GPATCH2: variants seen among roughly 807,000 people sequenced by gnomAD.
GPATCH2 encodes G patch domain-containing protein 2.
Under a neutral mutation model 58.0 loss-of-function variants are expected in GPATCH2, and 51 were observed. The ratio of observed to expected loss-of-function variants is 0.88; its 90% confidence interval spans 0.70 to 1.11. The LOEUF (loss-of-function observed/expected upper bound fraction) is 1.11. Ranked by LOEUF, GPATCH2 falls within the 50% of genes most tolerant of loss-of-function variation. The probability of loss-of-function intolerance (pLI) is 0.00; values close to 1 mark genes in which losing one functional copy is unlikely to be tolerated. For missense variants in GPATCH2, 625 were observed against 652.2 expected (o/e 0.96, Z 0.45); for synonymous variants, 222 against 218.5 (o/e 1.02, Z -0.14).
intron 2 of GPATCH2, among the ~76,000 whole-genome samples, chr1:217,615,035 T>A (rs1467202768): frequency 2.0e-5 from 3 of 151,990 alleles, no homozygotes; most frequent in Non-Finnish European, 4.4e-5. Flanking sequence ...AAAATTCTCA[T>A]GTATTTTATT....
intron 2 of GPATCH2, among the ~76,000 whole-genome samples, chr1:217,617,404 C>T (rs1351234749): frequency 6.6e-6 from 1 of 152,166 alleles, no homozygotes; most frequent in Admixed American, 6.5e-5. Context: ...CAGCACATTT[C>T]ATTTTCATCA....
At chr1:217,588,543 T>C (rs1667445669) in intron 5 of GPATCH2, among the ~76,000 whole-genome samples, 1 of 152,200 alleles carries the variant, frequency 6.6e-6, no homozygotes, top group South Asian at 2.1e-4. Context: ...AGACATCATC[T>C]AGTATATGAC....
intron 5 of GPATCH2, among the ~76,000 whole-genome samples, chr1:217,603,744 T>A (rs1391813612): frequency 6.6e-6 from 1 of 152,048 alleles, no homozygotes; most frequent in Non-Finnish European, 1.5e-5. Context: ...TGCTTCTGCC[T>A]CCCTAGTAGC....
In GPATCH2 at chr1:217,430,001, TAATA is replaced by T. The variant is rs777426032; in HGVS notation, c.*1140_*1143del. On this transcript the variant is annotated 3_prime_UTR_variant, in exon 10 of 10. Transcript: ENST00000366935. ...CATAATAAGTTGTTAATAATGAAGA[TAATA>T]AATAAAGATCTTCTAAACTAAAAGC... 52 of 152,214 alleles carry T rather than the reference TAATA, an allele frequency of 3.4e-4. No homozygotes were observed. The highest frequency in any genetic ancestry group is 3.4e-3 in the Middle Eastern group (1 of 292). 9.4% of individuals were successfully genotyped at this position (152,214 alleles called of 1,614,324 possible).
chr1:217,431,410 G>T, intron 9 of GPATCH2, 45 bp from the exon 10 acceptor site: 1 of 1,064,726 alleles, frequency 9.4e-7, no homozygotes, highest in Non-Finnish European at 1.5e-6. Flanking sequence ...TATGAACACA[G>T]GTGAAGATAT....
chr1:217,630,006 A>C (rs1174610018), intron 1 of GPATCH2, among the ~76,000 whole-genome samples: 2 of 152,114 alleles, frequency 1.3e-5, no homozygotes, highest in Non-Finnish European at 2.9e-5. Flanking sequence ...ATTTAGCCAC[A>C]TTTCTTTCAC....
intron 6 of GPATCH2, among the ~76,000 whole-genome samples, chr1:217,512,954 G>A (rs1450506960): frequency 6.6e-6 from 1 of 152,194 alleles, no homozygotes; most frequent in Non-Finnish European, 1.5e-5. Flanking sequence ...GGCATGCTGA[G>A]TATTAAGTAT....
intron 1 of GPATCH2, among the ~76,000 whole-genome samples, chr1:217,630,454 T>C (rs547195309): frequency 3.9e-5 from 6 of 152,234 alleles, no homozygotes; most frequent in Admixed American, 3.3e-4. Flanking sequence ...GGTTACCCTC[T>C]CTCTTTAAAA....
intron 6 of GPATCH2, among the ~76,000 whole-genome samples, chr1:217,506,820 C>T (rs1662587990): frequency 3.9e-5 from 6 of 152,166 alleles, no homozygotes; most frequent in Admixed American, 2.0e-4. Flanking sequence ...GAACACAATA[C>T]GTATTACTTT....
At position 217,587,726 on chromosome 1, in the gene GPATCH2, T is replaced by C. The variant is rs1484137798; in HGVS notation, c.1098+22595A>G. On this transcript the variant is annotated intron_variant, in intron 5 of 9. Transcript: ENST00000366935. ...AGAGATGCAAATTTCACCAACAATA[T>C]AGAAAGATTTTTCTGGATTTGTCAA... 3.9e-5 allele frequency among the ~76,000 whole-genome samples: 6 copies of C among 152,174 alleles called. No homozygotes were observed. The East Asian group carries it at 9.7e-4, about 25-fold the overall frequency.
intron 8 of GPATCH2, among the ~76,000 whole-genome samples, chr1:217,479,679 T>A (rs574160111): frequency 2.3e-3 from 356 of 152,200 alleles, no homozygotes; most frequent in Non-Finnish European, 4.0e-3. Flanking sequence ...TAAAACTGAA[T>A]GTAAATGGAC....
intron 5 of GPATCH2, among the ~76,000 whole-genome samples, chr1:217,591,239 C>T (rs557642865): frequency 3.3e-5 from 5 of 151,802 alleles, no homozygotes; most frequent in African/African-American, 1.2e-4. Context: ...ATATAATGGA[C>T]ATATATAAAT....
intron 8 of GPATCH2, among the ~76,000 whole-genome samples, chr1:217,474,759 T>C (rs1660896971): frequency 6.6e-6 from 1 of 152,098 alleles, no homozygotes; most frequent in Admixed American, 6.5e-5. Context: ...ATTTTGGGAG[T>C]AAATGACCCT....
chr1:217,565,627 T>C (rs535205509), intron 5 of GPATCH2, among the ~76,000 whole-genome samples: 6 of 152,326 alleles, frequency 3.9e-5, no homozygotes, highest in Middle Eastern at 3.4e-3. Flanking sequence ...GTATCCATGA[T>C]GTGTGAGGTT....
intron 8 of GPATCH2, among the ~76,000 whole-genome samples, chr1:217,469,273 G>A (rs889351498): frequency 2.6e-5 from 4 of 152,012 alleles, no homozygotes; most frequent in Admixed American, 6.6e-5. Flanking sequence ...CCCCAAGCTC[G>A]AAGACAGCTG....
chr1:217,493,029 C>T (rs1387456276), intron 7 of GPATCH2, among the ~76,000 whole-genome samples: 1 of 152,154 alleles, frequency 6.6e-6, no homozygotes, highest in East Asian at 1.9e-4. Flanking sequence ...CTCATTCTTT[C>T]AGGAACGTCT....
intron 5 of GPATCH2, among the ~76,000 whole-genome samples, chr1:217,557,165 G>A (rs1455577148): frequency 6.6e-6 from 1 of 152,108 alleles, no homozygotes; most frequent in Non-Finnish European, 1.5e-5. Context: ...CCAGCACTTT[G>A]GGAGGCCAAG....
chr1:217,460,683 A>T (rs1367753995), intron 8 of GPATCH2, among the ~76,000 whole-genome samples: 7 of 152,224 alleles, frequency 4.6e-5, no homozygotes. Context: ...GTTTTAGTAA[A>T]TTCTATAAAT....
chr1:217,435,941 T>C (rs949459337), intron 9 of GPATCH2, among the ~76,000 whole-genome samples: 1 of 152,200 alleles, frequency 6.6e-6, no homozygotes, highest in East Asian at 1.9e-4. Context: ...CATGATACTT[T>C]TGTTAATTAA....
Sources: gnomAD v4.1 joint callset for allele counts (sites outside exome capture counted in the v4.1 genomes callset) on GRCh38, gnomAD v4.1.1 for gene constraint, MANE v1.5 for transcripts, NCBI Gene and HGNC (gene_info 2026-07-23, HGNC 2026-07-21) for gene names.